ERBB4: variants seen among roughly 807,000 people sequenced by gnomAD.
ERBB4 encodes the protein erb-b2 receptor tyrosine kinase 4.
A neutral mutation model predicts 158.0 loss-of-function variants in ERBB4; 42 were observed. The observed-to-expected ratio is 0.27, with a 90% CI of 0.21 to 0.34. The LOEUF is 0.34. Among genes scored for constraint, ERBB4 ranks in the 10% least tolerant of loss-of-function variants. The pLI, the probability that ERBB4 is intolerant of heterozygous loss-of-function variation, is 1.00. For missense variants in ERBB4, 1,333 were observed against 1,624.1 expected (o/e 0.82, Z 3.08); for synonymous variants, 583 against 558.7 (o/e 1.04, Z -0.61).
Position 211,829,511 on chromosome 2 carries a change from C to T in ERBB4, c.422-41352G>A, listed in dbSNP as rs141726175. Reference sequence around the variant, plus strand: ...ACTCTGTCTTATTTGCTTCATAAAACATAGCAGTATTTGTAGAACATACCA... The same window carrying T: ...ACTCTGTCTTATTTGCTTCATAAAATATAGCAGTATTTGTAGAACATACCA... On this transcript the variant is annotated intron_variant, in intron 3 of 27. Coordinates refer to ENST00000342788, the MANE Select transcript of ERBB4 (RefSeq NM_005235.3). Among the ~76,000 whole-genome samples the T allele has an allele frequency of 4.6e-5, 7 of 152,252 alleles. No individual in the cohort carries two copies. The East Asian group carries it at 1.4e-3, about 29-fold the overall frequency.
intron 3 of ERBB4, among the ~76,000 whole-genome samples, chr2:211,942,680 T>C (rs1472718768): frequency 1.3e-5 from 2 of 152,120 alleles, no homozygotes; most frequent in Non-Finnish European, 2.9e-5. Flanking sequence ...AGTACACAGT[T>C]AACAAAACAA....
At chr2:212,024,655 T>C (rs1199765123) in intron 2 of ERBB4, among the ~76,000 whole-genome samples, 3 of 151,934 alleles carry the variant, frequency 2.0e-5, no homozygotes, top group African/African-American at 7.2e-5. Context: ...CACCTATCAC[T>C]TCCTACTTAC....
At chr2:211,498,938 C>T (rs2065544592) in intron 20 of ERBB4, among the ~76,000 whole-genome samples, 1 of 152,104 alleles carries the variant, frequency 6.6e-6, no homozygotes. Flanking sequence ...CTCAGGGACA[C>T]AGATGAGGAA....
In ERBB4 at chr2:211,383,793, C is replaced by T. The variant is rs753616912; in HGVS notation, c.3749G>A (p.Arg1250Gln). 6.2e-6 allele frequency: 10 copies of T among 1,614,008 alleles called. 1 individual carries two copies. Among genetic ancestry groups the T allele is most frequent in the Non-Finnish European group, 7.6e-6 (9 of 1,180,004 alleles). The change falls in exon 28 of 28, where the codon CGG becomes CAG. Residue 1250 changes from arginine to glutamine, a missense_variant. Arg to Gln is a conservative substitution (Grantham distance 43). Coordinates refer to ENST00000342788, the MANE Select transcript of ERBB4 (RefSeq NM_005235.3). ...PDYWNHSLPP[R>Q]STLQHPDYLQ... ...GTAGTCTGGGTGCTGAAGGGTGCTC[C>T]GAGGTGGCAGGCTGTGGTTCCAGTA...
At chr2:211,856,669 G>C (rs906536436) in intron 3 of ERBB4, among the ~76,000 whole-genome samples, 1 of 152,108 alleles carries the variant, frequency 6.6e-6, no homozygotes, top group Non-Finnish European at 1.5e-5. Context: ...TTACAGGCGT[G>C]AGCCACTGCG....
intron 19 of ERBB4, among the ~76,000 whole-genome samples, chr2:211,617,414 A>G (rs1379494636): frequency 1.3e-5 from 2 of 152,170 alleles, no homozygotes; most frequent in African/African-American, 2.4e-5. Context: ...AAAAGGCTTC[A>G]GTTTTAAATT....
chr2:212,470,961 C>G (rs191581042), intron 1 of ERBB4, among the ~76,000 whole-genome samples: 1 of 151,976 alleles, frequency 6.6e-6, no homozygotes, highest in Non-Finnish European at 1.5e-5. Context: ...CTCTTTCCTA[C>G]AACTAACCTA....
chr2:212,449,270 T>A (rs576182591), intron 1 of ERBB4, among the ~76,000 whole-genome samples: 1 of 152,264 alleles, frequency 6.6e-6, no homozygotes, highest in East Asian at 1.9e-4. Flanking sequence ...TGCACATTAA[T>A]CAACTAAAAT....
At chr2:212,145,258 G>T (rs956255531) in intron 1 of ERBB4, among the ~76,000 whole-genome samples, 1 of 152,138 alleles carries the variant, frequency 6.6e-6, no homozygotes, top group African/African-American at 2.4e-5. Context: ...CATAAGGCTT[G>T]GATAGTATTT....
At chr2:212,535,255 A>G (rs1692983698) in intron 1 of ERBB4, among the ~76,000 whole-genome samples, 1 of 152,048 alleles carries the variant, frequency 6.6e-6, no homozygotes, top group African/African-American at 2.4e-5. Flanking sequence ...TATATATATG[A>G]GAATTTCAAA....
At chr2:211,390,295 T>C (rs965464008) in intron 25 of ERBB4, among the ~76,000 whole-genome samples, 2 of 152,190 alleles carry the variant, frequency 1.3e-5, no homozygotes, top group Non-Finnish European at 2.9e-5. Flanking sequence ...CTTTGAGAAT[T>C]TGCACTATCA....
At chr2:211,702,973 T>A (rs1398366780) in intron 11 of ERBB4, among the ~76,000 whole-genome samples, 1 of 152,182 alleles carries the variant, frequency 6.6e-6, no homozygotes, top group African/African-American at 2.4e-5. Context: ...TACTTTTCCA[T>A]TCTCTAAAGA....
At chr2:211,819,615 G>A (rs2076950317) in intron 3 of ERBB4, among the ~76,000 whole-genome samples, 1 of 151,956 alleles carries the variant, frequency 6.6e-6, no homozygotes, top group South Asian at 2.1e-4. Context: ...TAAGAACAGA[G>A]CAGAGAGGCA....
chr2:211,815,756 G>C (rs1197288528), intron 3 of ERBB4, among the ~76,000 whole-genome samples: 1 of 152,210 alleles, frequency 6.6e-6, no homozygotes, highest in Non-Finnish European at 1.5e-5. Flanking sequence ...TGGACTGAGA[G>C]AGGCAGACCC....
chr2:212,410,334 G>T (rs188596003), intron 1 of ERBB4, among the ~76,000 whole-genome samples: 1 of 151,840 alleles, frequency 6.6e-6, no homozygotes, highest in African/African-American at 2.4e-5. Flanking sequence ...ATTTCATTAC[G>T]TACAAATCAT....
At chr2:211,403,491 G>A (rs955518995) in intron 25 of ERBB4, among the ~76,000 whole-genome samples, 3 of 152,086 alleles carry the variant, frequency 2.0e-5, no homozygotes, top group South Asian at 2.1e-4. Context: ...CACTGAGATT[G>A]CAATTATGCC....
chr2:212,321,833 T>C (rs942221561), intron 1 of ERBB4, among the ~76,000 whole-genome samples: 1 of 150,650 alleles, frequency 6.6e-6, no homozygotes, highest in Non-Finnish European at 1.5e-5. Flanking sequence ...GATGTCTCGG[T>C]ATCATTCATG....
intron 20 of ERBB4, among the ~76,000 whole-genome samples, chr2:211,508,388 C>A (rs1427861723): frequency 1.3e-5 from 2 of 152,158 alleles, no homozygotes; most frequent in African/African-American, 4.8e-5. Flanking sequence ...ATCATCATCA[C>A]TGGTCATTAG....
intron 2 of ERBB4, among the ~76,000 whole-genome samples, chr2:212,064,180 C>A (rs1224287880): frequency 2.0e-5 from 3 of 151,998 alleles, no homozygotes; most frequent in Non-Finnish European, 4.4e-5. Flanking sequence ...ATAACAAAAA[C>A]CAAAACTATT....
Sources: allele counts gnomAD v4.1 joint callset (sites outside exome capture counted in the v4.1 genomes callset), GRCh38; gene constraint gnomAD v4.1.1; transcripts MANE v1.5; gene names NCBI Gene and HGNC (gene_info 2026-07-23, HGNC 2026-07-21).